CACNA1E: variants seen among roughly 807,000 people sequenced by gnomAD.
The protein encoded by CACNA1E is calcium voltage-gated channel subunit alpha1 E, also known as voltage-dependent R-type calcium channel subunit alpha-1E.
Under a neutral mutation model 259.2 loss-of-function variants are expected in CACNA1E, and 40 were observed. The ratio of observed to expected loss-of-function variants is 0.15; its 90% CI spans 0.12 to 0.20. The LOEUF is 0.20. Ranked by LOEUF, CACNA1E falls within the 10% of genes least tolerant of loss-of-function variation. The pLI is 1.00. For synonymous variants in CACNA1E, 1,104 were observed against 1,138.5 expected (o/e 0.97, Z 0.61); for missense variants, 1,874 against 3,040.1 (o/e 0.62, Z 9.02).
rs1291383430 is a variant in CACNA1E, at chr1:181,649,352, A to AT, written c.952-1984dup. On this transcript the variant is annotated intron_variant, in intron 6 of 47. Coordinates refer to ENST00000367573, the MANE Select transcript of CACNA1E (RefSeq NM_001205293.3). ...TAACTTTTATTCTGCTTCAATTGCA[A>AT]TTATCTCTCTCTGAATAGTGTAGGG... Among the ~76,000 whole-genome samples the AT allele has an allele frequency of 3.3e-5, 5 of 152,022 alleles. No homozygotes were observed. The East Asian group carries it at 9.7e-4, about 29-fold the overall frequency.
At chr1:181,513,275 C>A (rs918239354) in intron 3 of CACNA1E, among the ~76,000 whole-genome samples, 23 of 152,296 alleles carry the variant, frequency 1.5e-4, no homozygotes, top group African/African-American at 5.3e-4. Flanking sequence ...TCCTTCCAGG[C>A]CTTCGATGCT....
chr1:181,716,105 C>T lies in CACNA1E; in HGVS notation c.1291C>T (p.His431Tyr). Residue 431 changes from histidine (H) to tyrosine (Y), a missense_variant, in exon 10 of 48, where the codon CAC (histidine) becomes TAC (tyrosine). Around this residue, in one of 14 missense-constraint regions of CACNA1E, gnomAD observed 157 missense variants for 203.5 expected, o/e 0.77. Transcript: ENST00000367573. ...EAMTRDSSDEHCVDISSVGTP... is the reference protein window; with the variant it reads ...EAMTRDSSDEYCVDISSVGTP... ...CATGACTCGAGACTCCAGTGATGAGCACTGTGTTGATATCTCCTCTGTGGG... is the reference window on the plus strand; with the variant it reads ...CATGACTCGAGACTCCAGTGATGAGTACTGTGTTGATATCTCCTCTGTGGG... 1.9e-6 allele frequency: 3 copies of T among 1,568,736 alleles called. No individual in the cohort carries two copies. Among genetic ancestry groups the T allele is most frequent in the Middle Eastern group, 3.3e-4 (2 of 6,004 alleles).
At chr1:181,494,263 T>C (rs1664552111) in intron 1 of CACNA1E, among the ~76,000 whole-genome samples, 1 of 152,184 alleles carries the variant, frequency 6.6e-6, no homozygotes, top group Admixed American at 6.5e-5. Flanking sequence ...GCAATGCTTA[T>C]TAACATCAGC....
At chr1:181,426,750 C>T (rs1659276491) in intron 2 of CACNA1E, among the ~76,000 whole-genome samples, 2 of 135,354 alleles carry the variant, frequency 1.5e-5, no homozygotes, top group South Asian at 2.4e-4. Context: ...AGCCCCTTCC[C>T]GTCTCAACCC....
At chr1:181,404,096 T>C (rs1231968733) in intron 1 of CACNA1E, among the ~76,000 whole-genome samples, 1 of 152,216 alleles carries the variant, frequency 6.6e-6, no homozygotes, top group Non-Finnish European at 1.5e-5. Flanking sequence ...AACTAATCAC[T>C]GGCAAAGGGA....
intron 7 of CACNA1E, among the ~76,000 whole-genome samples, chr1:181,685,881 T>A (rs1163558199): frequency 6.6e-6 from 1 of 152,206 alleles, no homozygotes. Context: ...ATTTTTTATC[T>A]CCTGCATCCT....
At chr1:181,725,654 T>C (rs77945421) in intron 17 of CACNA1E, among the ~76,000 whole-genome samples, 3,890 of 152,354 alleles carry the variant, frequency 0.026, 167 homozygotes, top group African/African-American at 0.089. Flanking sequence ...GCACTTTACT[T>C]GGCGGGGTCC....
chr1:181,351,135 G>A (rs1301378882), intron 1 of CACNA1E, among the ~76,000 whole-genome samples: 1 of 152,200 alleles, frequency 6.6e-6, no homozygotes, highest in African/African-American at 2.4e-5. Context: ...GTAGGAGCAG[G>A]ATTGCAGATA....
upstream of CACNA1E, among the ~76,000 whole-genome samples, chr1:181,480,521 C>A (rs1231682661): frequency 6.6e-6 from 1 of 152,182 alleles, no homozygotes; most frequent in Admixed American, 6.5e-5. Context: ...CTTGAGTATT[C>A]TAGGTCTCTG....
At chr1:181,775,378 T>G (rs141903399) in intron 37 of CACNA1E, among the ~76,000 whole-genome samples, 1 of 152,178 alleles carries the variant, frequency 6.6e-6, no homozygotes, top group Non-Finnish European at 1.5e-5. Flanking sequence ...CTTTGTTAAC[T>G]CTCTACTCTG....
chr1:181,571,886 G>A (rs1250659541), intron 3 of CACNA1E, among the ~76,000 whole-genome samples: 5 of 152,146 alleles, frequency 3.3e-5, no homozygotes, highest in Non-Finnish European at 5.9e-5. Flanking sequence ...TGACTAAGAA[G>A]GGAGCTCTTT....
intron 1 of CACNA1E, among the ~76,000 whole-genome samples, chr1:181,325,354 A>C (rs1289818227): frequency 1.3e-5 from 2 of 152,158 alleles, no homozygotes; most frequent in African/African-American, 2.4e-5. Context: ...CCCCAGGGCC[A>C]CAAGACCAGT....
rs1653970251 is a variant in CACNA1E, at chr1:181,717,090, T to C, written c.1316-3T>C. The C allele has an allele frequency of 1.9e-6, 3 of 1,613,396 alleles. No individual in the cohort carries two copies. Among genetic ancestry groups the C allele is most frequent in the Admixed American group, 1.7e-5 (1 of 60,006 alleles). On this transcript the variant is annotated splice_polypyrimidine_tract_variant and splice_region_variant and intron_variant, in intron 10 of 47. Transcript: ENST00000367573. The stretch of plus-strand genomic sequence containing the variant: ...CTCATTCTTCCTTACTTCTCCCTCT[T>C]AGGCACACCTCTGGCCCGAGCCAGT...
At chr1:181,592,768 C>T (rs1654274301) in intron 6 of CACNA1E, among the ~76,000 whole-genome samples, 1 of 152,096 alleles carries the variant, frequency 6.6e-6, no homozygotes, top group South Asian at 2.1e-4. Flanking sequence ...CTCCCTTGTT[C>T]CTTCTTTCCC....
intron 7 of CACNA1E, among the ~76,000 whole-genome samples, chr1:181,696,444 A>G (rs1042566324): frequency 1.3e-5 from 2 of 152,224 alleles, no homozygotes; most frequent in South Asian, 4.1e-4. Context: ...CTATAGTATC[A>G]TGTGATTACC....
chr1:181,435,797 A>T (rs1660046208), intron 2 of CACNA1E, among the ~76,000 whole-genome samples: 1 of 152,182 alleles, frequency 6.6e-6, no homozygotes, highest in African/African-American at 2.4e-5. Context: ...CAGCTTAATG[A>T]TATTTCTGGA....
intron 37 of CACNA1E, 147 bp from the exon 38 acceptor site, chr1:181,775,954 A>G: frequency 2.8e-6 from 2 of 709,792 alleles, no homozygotes; most frequent in Non-Finnish European, 4.8e-6. Context: ...CCCTCCTTGC[A>G]GATCCCTGAC....
At chr1:181,610,049 T>C (rs1192758099) in intron 6 of CACNA1E, among the ~76,000 whole-genome samples, 1 of 152,200 alleles carries the variant, frequency 6.6e-6, no homozygotes, top group East Asian at 1.9e-4. Context: ...ATTCATTGGA[T>C]GGTGAAGAAC....
intron 1 of CACNA1E, among the ~76,000 whole-genome samples, chr1:181,364,638 A>T (rs1654133928): frequency 6.6e-6 from 1 of 152,180 alleles, no homozygotes; most frequent in Non-Finnish European, 1.5e-5. Flanking sequence ...AGGTAGAATG[A>T]TGCTGTGTCC....
Sources: gnomAD v4.1 joint callset for allele counts (sites outside exome capture counted in the v4.1 genomes callset) on GRCh38, gnomAD v4.1.1 for gene constraint, gnomAD v4.1.1 regional missense constraint, MANE v1.5 for transcripts, NCBI Gene and HGNC (gene_info 2026-07-23, HGNC 2026-07-21) for gene names.